HCRTR2: variants seen among roughly 807,000 people sequenced by gnomAD.
HCRTR2 encodes orexin receptor type 2.
HCRTR2 carries 22 observed loss-of-function variants against 49.0 expected under a neutral mutation model. The observed-to-expected ratio is 0.45, with a 90% CI of 0.32 to 0.64. HCRTR2 has a LOEUF of 0.64. Ranked by LOEUF, HCRTR2 falls within the 30% of genes least tolerant of loss-of-function variation. The pLI is 0.04. For missense variants in HCRTR2, 491 were observed against 559.4 expected, an observed-to-expected ratio of 0.88 and a Z score of 1.23; for synonymous variants, 236 against 205.3, an observed-to-expected ratio of 1.15 and a Z score of -1.28.
intron 1 of HCRTR2, among the ~76,000 whole-genome samples, chr6:55,232,412 TTTG>T (rs1271832284): frequency 1.3e-5 from 2 of 152,178 alleles, no homozygotes; most frequent in East Asian, 1.9e-4. Context: ...GACATTCTTT[TTTG>T]TTGTTGTTCT....
intron 1 of HCRTR2, among the ~76,000 whole-genome samples, chr6:55,133,276 A>G (rs9370385): frequency 1 from 151,738 of 151,776 alleles, 75,850 homozygotes; most frequent in Non-Finnish European, 1. Context: ...TTTCTCTCAT[A>G]CATTTTTATG....
At chr6:55,150,074 T>C (rs9475176) in intron 1 of HCRTR2, among the ~76,000 whole-genome samples, 74,904 of 151,706 alleles carry the variant, frequency 0.49, 19,612 homozygotes, top group Middle Eastern at 0.63. Flanking sequence ...GATGCAGTCC[T>C]GAAGTGTGCT....
At chr6:55,222,438 C>T (rs9370404) in intron 1 of HCRTR2, among the ~76,000 whole-genome samples, 53,142 of 151,924 alleles carry the variant, frequency 0.35, 10,211 homozygotes, top group African/African-American at 0.51. Context: ...CTTTTAGATA[C>T]TTTTCCAAAA....
At chr6:55,130,831 A>G (rs2127246108) in intron 1 of HCRTR2, among the ~76,000 whole-genome samples, 1 of 151,936 alleles carries the variant, frequency 6.6e-6, no homozygotes, top group East Asian at 1.9e-4. Flanking sequence ...TGTAAACACT[A>G]CTGTTTTAAT....
chr6:55,185,464 A>C (rs1291222393), intron 1 of HCRTR2, among the ~76,000 whole-genome samples: 1 of 152,216 alleles, frequency 6.6e-6, no homozygotes, highest in East Asian at 1.9e-4. Flanking sequence ...TCTTAGAGAA[A>C]AGGGGGAGAA....
chr6:55,233,349 C>T (rs929879818), intron 1 of HCRTR2, among the ~76,000 whole-genome samples: 2 of 152,044 alleles, frequency 1.3e-5, no homozygotes, highest in African/African-American at 4.8e-5. Context: ...CCTCGGCTTC[C>T]CAAAGTGCTG....
chr6:55,174,786 G>T lies in HCRTR2; in HGVS notation c.199G>T (p.Val67Leu), dbSNP rs747025393. ...LIAGYIIVFV[V>L]ALIGNVLVCV... Reference sequence around the variant, plus strand: ...CGCCGGGTACATCATCGTGTTCGTCGTGGCTCTCATTGGGAACGTCCTGGG... The same window carrying T: ...CGCCGGGTACATCATCGTGTTCGTCTTGGCTCTCATTGGGAACGTCCTGGG... The change falls in exon 1 of 7, where the codon GTG becomes TTG. Residue 67 changes from valine to leucine, a missense_variant. Coordinates refer to ENST00000370862, the MANE Select transcript of HCRTR2 (RefSeq NM_001384272.1). 2 of 1,613,992 alleles carry T rather than the reference G, an allele frequency of 1.2e-6. No individual in the cohort carries two copies. The highest frequency in any genetic ancestry group is 2.7e-5 in the African/African-American group (2 of 74,980).
At chr6:55,140,641 T>C (rs1300612004) in intron 1 of HCRTR2, among the ~76,000 whole-genome samples, 1 of 152,148 alleles carries the variant, frequency 6.6e-6, no homozygotes, top group Non-Finnish European at 1.5e-5. Flanking sequence ...ATATTATCTG[T>C]TAAAAAATAC....
intron 2 of HCRTR2, among the ~76,000 whole-genome samples, chr6:55,254,576 G>A (rs1259792574): frequency 6.6e-6 from 1 of 151,870 alleles, no homozygotes; most frequent in Non-Finnish European, 1.5e-5. Flanking sequence ...AACTTTCCTT[G>A]GGTGCTACAT....
At chr6:55,248,612 G>A (rs1294929149) in intron 1 of HCRTR2, 27 bp from the exon 2 acceptor site, 1 of 1,588,702 alleles carries the variant, frequency 6.3e-7, no homozygotes, top group Admixed American at 1.7e-5. Context: ...TTTGTTGAGT[G>A]CCTATTCCTT....
chr6:55,122,453 C>T (rs1428095352), intron 1 of HCRTR2, among the ~76,000 whole-genome samples: 29 of 152,082 alleles, frequency 1.9e-4, no homozygotes, highest in African/African-American at 2.4e-5. Flanking sequence ...TTTTTTGTGT[C>T]TCTATCTCCT....
rs1197121095 is a variant in HCRTR2 at position 55,280,442 on chromosome 6, G to A, written c.1103G>A (p.Ser368Asn). Residue 368 changes from serine to asparagine, a missense_variant and splice_region_variant, in exon 6 of 7, where the codon AGT (serine) becomes AAT (asparagine). Ser to Asn is a conservative substitution (Grantham distance 46, BLOSUM62 1). Transcript: ENST00000370862. ...AATCCAATTATTTATAATTTTCTCA[G>A]TGGTGAGTTTTCAACTGTTCTTCCA... ...AANPIIYNFL[S>N]GKFREEFKAA... 8 of 1,612,144 alleles carry A rather than the reference G, an allele frequency of 5.0e-6. No individual in the cohort carries two copies. The highest frequency in any genetic ancestry group is 1.7e-5 in the Admixed American group (1 of 59,922).
chr6:55,137,468 A>AT (rs1180308088), intron 1 of HCRTR2, among the ~76,000 whole-genome samples: 1 of 152,092 alleles, frequency 6.6e-6, no homozygotes, highest in Non-Finnish European at 1.5e-5. Flanking sequence ...AATTAATTAA[A>AT]TTTTTTCCTG....
chr6:55,238,971 G>GACT (rs1317352679), intron 1 of HCRTR2, among the ~76,000 whole-genome samples: 1 of 152,114 alleles, frequency 6.6e-6, no homozygotes, highest in Non-Finnish European at 1.5e-5. Context: ...CAAAGAGAAG[G>GACT]ACTGACTTTA....
intron 1 of HCRTR2, among the ~76,000 whole-genome samples, chr6:55,183,808 A>G (rs781706837): frequency 6.6e-6 from 1 of 152,222 alleles, no homozygotes; most frequent in Non-Finnish European, 1.5e-5. Context: ...AAAGAAAAAC[A>G]TAAAGTGAGA....
intron 1 of HCRTR2, among the ~76,000 whole-genome samples, chr6:55,137,265 A>T (rs994569593): frequency 6.6e-6 from 1 of 152,172 alleles, no homozygotes; most frequent in Admixed American, 6.5e-5. Flanking sequence ...CACATCAAGC[A>T]TGCTAGCCAC....
Position 55,174,661 on chromosome 6 carries a change from A to C in HCRTR2, c.74A>C (p.Gln25Pro), listed in dbSNP as rs753505555. The C allele has an allele frequency of 6.2e-7, 1 of 1,613,966 alleles. No homozygotes were observed. Among genetic ancestry groups the C allele is most frequent in the Non-Finnish European group, 8.5e-7 (1 of 1,179,978 alleles). ...WSSASELNETQEPFLNPTDYD... is the reference protein window; with the variant it reads ...WSSASELNETPEPFLNPTDYD... ...TCTGCTTCGGAGCTGAATGAAACTC[A>C]AGAGCCCTTTTTAAACCCCACCGAC... is the stretch of plus-strand genomic sequence containing the variant. The change falls in exon 1 of 7, where the codon CAA becomes CCA. Residue 25 changes from glutamine to proline, a missense_variant. Coordinates refer to ENST00000370862, the MANE Select transcript of HCRTR2 (RefSeq NM_001384272.1).
chr6:55,279,081 A>G (rs547814935), intron 5 of HCRTR2, among the ~76,000 whole-genome samples: 8 of 152,232 alleles, frequency 5.3e-5, no homozygotes, highest in African/African-American at 1.9e-4. Flanking sequence ...TCAAAGGAGC[A>G]AGGCTGTGTT....
intron 1 of HCRTR2, among the ~76,000 whole-genome samples, chr6:55,227,205 T>A (rs1766025764): frequency 6.6e-6 from 1 of 152,186 alleles, no homozygotes; most frequent in Non-Finnish European, 1.5e-5. Context: ...ATGCATTATG[T>A]TAAGTGGTTG....
Sources: gnomAD v4.1 joint callset for allele counts (sites outside exome capture counted in the v4.1 genomes callset) on GRCh38, gnomAD v4.1.1 for gene constraint, MANE v1.5 for transcripts, NCBI Gene and HGNC (gene_info 2026-07-23, HGNC 2026-07-21) for gene names.